Variants in GPATCH2 observed in about 807,000 individuals in gnomAD.
GPATCH2 encodes G patch domain-containing protein 2.
GPATCH2 carries 51 observed loss-of-function variants against 58.0 expected under a neutral mutation model. The ratio of observed to expected loss-of-function variants is 0.88; its 90% confidence interval spans 0.70 to 1.11. The LOEUF (loss-of-function observed/expected upper bound fraction) is 1.11, where lower values mean the gene tolerates loss of function less well. GPATCH2 is among the 50% of genes most tolerant of loss of function. GPATCH2 has a pLI of 0.00. For missense variants in GPATCH2, 625 were observed against 652.2 expected (o/e 0.96, Z 0.45); for synonymous variants, 222 against 218.5 (o/e 1.02, Z -0.14).
At chr1:217,596,958 C>T (rs1429993660) in intron 5 of GPATCH2, among the ~76,000 whole-genome samples, 1 of 152,030 alleles carries the variant, frequency 6.6e-6, no homozygotes, top group African/African-American at 2.4e-5. Context: ...CCTCCCAAAG[C>T]CCAATTAAAA....
At chr1:217,511,195 T>G (rs1662831995) in intron 6 of GPATCH2, among the ~76,000 whole-genome samples, 1 of 152,198 alleles carries the variant, frequency 6.6e-6, no homozygotes, top group Non-Finnish European at 1.5e-5. Context: ...ATTCATTAAA[T>G]TCAATCCCTC....
chr1:217,535,790 T>C (rs1664431204), intron 5 of GPATCH2, among the ~76,000 whole-genome samples: 1 of 152,018 alleles, frequency 6.6e-6, no homozygotes, highest in African/African-American at 2.4e-5. Flanking sequence ...CAACCCCCAG[T>C]GTACTTGGAA....
intron 6 of GPATCH2, among the ~76,000 whole-genome samples, chr1:217,506,052 C>A (rs1408770779): frequency 6.6e-6 from 1 of 152,148 alleles, no homozygotes; most frequent in Non-Finnish European, 1.5e-5. Context: ...AACTCCTGAC[C>A]TCAAGTGATC....
intron 9 of GPATCH2, among the ~76,000 whole-genome samples, chr1:217,447,523 C>T (rs1307625310): frequency 6.6e-6 from 1 of 152,066 alleles, no homozygotes; most frequent in African/African-American, 2.4e-5. Context: ...AACACCATCT[C>T]CCTCATACAG....
chr1:217,556,389 C>T (rs768052483), intron 5 of GPATCH2, among the ~76,000 whole-genome samples: 1 of 152,168 alleles, frequency 6.6e-6, no homozygotes, highest in Non-Finnish European at 1.5e-5. Flanking sequence ...TTAGTTGTTA[C>T]CACTGGTGTA....
chr1:217,618,286 T>C (rs931680615), intron 2 of GPATCH2, among the ~76,000 whole-genome samples: 3 of 150,864 alleles, frequency 2.0e-5, no homozygotes, highest in African/African-American at 7.3e-5. Context: ...CTTGGATGTC[T>C]GTAATCTCCG....
intron 7 of GPATCH2, among the ~76,000 whole-genome samples, chr1:217,495,362 A>G (rs1661957399): frequency 6.6e-6 from 1 of 152,180 alleles, no homozygotes; most frequent in Admixed American, 6.5e-5. Context: ...AAGGCACTCA[A>G]GCTCAGGAGT....
rs1658749644 is a variant in GPATCH2 at position 217,435,109 on chromosome 1, G to C, written c.1367-3744C>G. ...CTTCTTTTATGAGATTAAGACTTGG[G>C]AGTGGAACAACTCAGCCTCAGCGCA... is the stretch of plus-strand genomic sequence containing the variant. On this transcript the variant is annotated intron_variant, in intron 9 of 9. Coordinates refer to ENST00000366935, the MANE Select transcript of GPATCH2 (RefSeq NM_018040.5). Among the ~76,000 whole-genome samples, 3 of 152,128 alleles carry C rather than the reference G, an allele frequency of 2.0e-5. No homozygotes were observed. The South Asian group carries it at 6.2e-4, about 31-fold the overall frequency.
In GPATCH2 at chr1:217,571,915, A is replaced by C. The variant is rs1666573793; in HGVS notation, c.1098+38406T>G. On this transcript the variant is annotated intron_variant, in intron 5 of 9. Transcript: ENST00000366935. ...TCTGAGAAACAGAAAGACAGAAAGA[A>C]AGACAGACAGACAAAAGAAGAAAGA... is the stretch of plus-strand genomic sequence containing the variant. 1.3e-5 allele frequency among the ~76,000 whole-genome samples: 2 copies of C among 150,966 alleles called. 1 individual carries two copies. Among genetic ancestry groups the C allele is most frequent in the South Asian group, 4.2e-4 (2 of 4,736 alleles).
intron 1 of GPATCH2, among the ~76,000 whole-genome samples, chr1:217,630,351 A>C (rs1669684950): frequency 6.6e-6 from 1 of 152,212 alleles, no homozygotes; most frequent in African/African-American, 2.4e-5. Flanking sequence ...GTCAAGCCCC[A>C]AACTTAATCC....
intron 5 of GPATCH2, among the ~76,000 whole-genome samples, chr1:217,605,361 AT>A (rs1472877132): frequency 5.3e-5 from 8 of 150,316 alleles, no homozygotes; most frequent in African/African-American, 7.6e-5. Flanking sequence ...TAATGTTCAC[AT>A]TTTTTTCAGA....
At chr1:217,620,554 T>C (rs1669135796) in intron 1 of GPATCH2, 55 bp from the exon 2 acceptor site, 3 of 967,132 alleles carry the variant, frequency 3.1e-6, no homozygotes, top group East Asian at 4.8e-5. Context: ...CACAGTAACC[T>C]CATTTTCTAT....
At chr1:217,628,209 C>G (rs775529926) in intron 1 of GPATCH2, among the ~76,000 whole-genome samples, 10 of 151,882 alleles carry the variant, frequency 6.6e-5, no homozygotes, top group Non-Finnish European at 1.5e-4. Context: ...GACTAAATGA[C>G]TGAACAAAAA....
In GPATCH2 at chr1:217,483,870, T is replaced by C. The variant is rs894694967; in HGVS notation, c.1277+7810A>G. 4.6e-5 allele frequency among the ~76,000 whole-genome samples: 7 copies of C among 152,342 alleles called. No individual in the cohort carries two copies. In the East Asian group the frequency reaches 1.3e-3, roughly 29 times the overall value. On this transcript the variant is annotated intron_variant, in intron 8 of 9. Coordinates refer to ENST00000366935, the MANE Select transcript of GPATCH2 (RefSeq NM_018040.5). ...TTCAGAGTTGTTTACATATTCTTGA[T>C]ATAAATATTTTATAAGATATGTGAT...
In GPATCH2 at chr1:217,430,890, C is replaced by T. The variant is rs941576198; in HGVS notation, c.*255G>A. On this transcript the variant is annotated 3_prime_UTR_variant, in exon 10 of 10. Transcript: ENST00000366935. ...ATGAGACTAAAATAAATAAGAGAAA[C>T]GAGCTGCTCTTTATACCTAGAAATA... 11 of 505,914 alleles carry T rather than the reference C, an allele frequency of 2.2e-5. No individual in the cohort carries two copies. Among genetic ancestry groups the T allele is most frequent in the African/African-American group, 1.3e-4 (7 of 51,896 alleles). 31.3% of individuals were successfully genotyped at this position (505,914 alleles called of 1,614,324 possible).
chr1:217,459,083 T>G (rs750335236), intron 8 of GPATCH2, among the ~76,000 whole-genome samples: 2 of 152,224 alleles, frequency 1.3e-5, no homozygotes, highest in Non-Finnish European at 2.9e-5. Flanking sequence ...GTCTCAACAT[T>G]TCAGGTGGTA....
chr1:217,436,403 T>C (rs1420917859), intron 9 of GPATCH2, among the ~76,000 whole-genome samples: 1 of 152,188 alleles, frequency 6.6e-6, no homozygotes, highest in Admixed American at 6.5e-5. Context: ...TTGAAGTAAC[T>C]TAACCTTGAC....
intron 3 of GPATCH2, among the ~76,000 whole-genome samples, chr1:217,613,554 C>T (rs1280291913): frequency 6.6e-6 from 1 of 151,950 alleles, no homozygotes; most frequent in African/African-American, 2.4e-5. Flanking sequence ...ATCCTGCTCC[C>T]TTATTAAGGT....
chr1:217,601,481 G>T (rs1668105696), intron 5 of GPATCH2, among the ~76,000 whole-genome samples: 1 of 151,700 alleles, frequency 6.6e-6, no homozygotes, highest in Non-Finnish European at 1.5e-5. Flanking sequence ...GTAAACAAAA[G>T]TGCCTTTTTT....
Sources: allele counts gnomAD v4.1 joint callset (sites outside exome capture counted in the v4.1 genomes callset), GRCh38; gene constraint gnomAD v4.1.1; transcripts MANE v1.5; gene names NCBI Gene and HGNC (gene_info 2026-07-23, HGNC 2026-07-21).